Variants in PTPRH observed in about 807,000 individuals in gnomAD.
PTPRH encodes the protein receptor-type tyrosine-protein phosphatase H.
Under a neutral mutation model 130.2 loss-of-function variants are expected in PTPRH, and 113 were observed. The observed-to-expected ratio is 0.87, with a 90% CI of 0.75 to 1.01. PTPRH has a LOEUF of 1.01. Among genes scored for constraint, PTPRH ranks in the 50% least tolerant of loss-of-function variants. The probability of loss-of-function intolerance (pLI) is 0.00; values close to 1 mark genes in which losing one functional copy is unlikely to be tolerated. For missense variants in PTPRH, 1,430 were observed against 1,425.0 expected (o/e 1.00, Z -0.06); for synonymous variants, 556 against 577.9 (o/e 0.96, Z 0.54).
rs780200843 is a variant in PTPRH at position 55,205,422 on chromosome 19, C to T, written c.523G>A (p.Val175Met). The T allele has an allele frequency of 4.0e-5, 65 of 1,614,042 alleles. No individual in the cohort carries two copies. Among genetic ancestry groups the T allele is most frequent in the African/African-American group, 6.7e-5 (5 of 74,910 alleles). The part of the protein sequence containing the change: ...TRSTAHTNIT[V>M]DGLEPGCLYA... The stretch of plus-strand genomic sequence containing the variant: ...AAACACCCGGGTTCAAGTCCATCCA[C>T]GGTGATGTTAGTGTGTGCTGTGCTT... The change falls in exon 4 of 20, where the codon GTG (valine) becomes ATG (methionine). Residue 175 changes from valine (V) to methionine (M), a missense_variant. Val to Met is a conservative substitution (Grantham distance 21). Coordinates refer to ENST00000376350, the MANE Select transcript of PTPRH (RefSeq NM_002842.5).
chr19:55,183,659 G>T (rs1188759719), intron 18 of PTPRH, among the ~76,000 whole-genome samples: 1 of 152,086 alleles, frequency 6.6e-6, no homozygotes, highest in Non-Finnish European at 1.5e-5. Context: ...GGGAGGTGGA[G>T]GTTGCAGTGA....
chr19:55,200,921 C>A (rs1367568609), intron 6 of PTPRH, among the ~76,000 whole-genome samples: 2 of 148,566 alleles, frequency 1.3e-5, no homozygotes, highest in African/African-American at 2.5e-5. Flanking sequence ...CCAGCCTGGG[C>A]GACACAGCGA....
intron 12 of PTPRH, chr19:55,189,598 G>A: frequency 2.3e-6 from 1 of 438,062 alleles, no homozygotes; most frequent in Non-Finnish European, 4.6e-6. Context: ...CCAGATGCAT[G>A]CTCGGCTCCT....
Position 55,197,288 on chromosome 19 carries a change from G to C in PTPRH, c.1819C>G (p.His607Asp). 6.2e-7 allele frequency: 1 copy of C among 1,614,270 alleles called. No homozygotes were observed. The highest frequency in any genetic ancestry group is 8.5e-7 in the Non-Finnish European group (1 of 1,180,054). ...VYWVQWASKG[H>D]PRRGQDPQAN... ...TGGGGATCTTGCCCCCTCCGGGGAT[G>C]TCCCTTGCTGGCCCACTGGACCCAG... Residue 607 changes from histidine to aspartate, a missense_variant, in exon 9 of 20, where the codon CAT becomes GAT. His to Asp is a moderately conservative substitution (Grantham distance 81, BLOSUM62 -1). Transcript: ENST00000376350.
intron 12 of PTPRH, among the ~76,000 whole-genome samples, chr19:55,190,575 T>C (rs1460198732): frequency 7.3e-6 from 1 of 137,020 alleles, no homozygotes; most frequent in Non-Finnish European, 1.5e-5. Flanking sequence ...TAACATATAA[T>C]ATATTATATA....
intron 18 of PTPRH, among the ~76,000 whole-genome samples, chr19:55,184,050 C>G (rs778803641): frequency 6.6e-6 from 1 of 151,662 alleles, no homozygotes; most frequent in Non-Finnish European, 1.5e-5. Flanking sequence ...TTTGGGAGGC[C>G]GAGGTGGTCG....
intron 10 of PTPRH, chr19:55,194,436 A>G: frequency 1.1e-6 from 1 of 950,780 alleles, no homozygotes; most frequent in Non-Finnish European, 1.4e-6. Flanking sequence ...TTACTAAGGG[A>G]GAGAACTTTC....
At chr19:55,185,750 C>T (rs1397159018) in intron 17 of PTPRH, 88 bp from the exon 18 acceptor site, 2 of 1,597,228 alleles carry the variant, frequency 1.3e-6, no homozygotes, top group Non-Finnish European at 1.7e-6. Context: ...CTGGGGCACA[C>T]TGCAGCTCCT....
At chr19:55,207,547 C>T (rs2087109126) in intron 1 of PTPRH, among the ~76,000 whole-genome samples, 1 of 151,990 alleles carries the variant, frequency 6.6e-6, no homozygotes, top group Admixed American at 6.6e-5. Flanking sequence ...GGTTGGGGAT[C>T]AGGAACCTTG....
intron 16 of PTPRH, 108 bp downstream of exon 16, chr19:55,186,117 G>A: frequency 6.4e-7 from 1 of 1,572,100 alleles, no homozygotes; most frequent in Admixed American, 1.8e-5. Flanking sequence ...GAAGACGCCT[G>A]GGGTTACCCT....
rs1326825373 is a variant in PTPRH at position 55,185,727 on chromosome 19, A to G, written c.2902-65T>C. 5 of 1,597,740 alleles carry G rather than the reference A, an allele frequency of 3.1e-6. No homozygotes were observed. In the East Asian group the frequency reaches 1.1e-4, roughly 36 times the overall value. On this transcript the variant is annotated intron_variant, in intron 17 of 19. Transcript: ENST00000376350. ...TAGGGAGGACCTGGCTTCTAGCACCAGGAGCGGGTTCCCTGGGGCACACTG... is the reference window on the plus strand; with the variant it reads ...TAGGGAGGACCTGGCTTCTAGCACCGGGAGCGGGTTCCCTGGGGCACACTG...
chr19:55,206,493 AT>A (rs58733303), intron 3 of PTPRH, among the ~76,000 whole-genome samples, 195 bp downstream of exon 3: 1 of 150,888 alleles, frequency 6.6e-6, no homozygotes, highest in African/African-American at 2.4e-5. Context: ...CTACTTTTTA[AT>A]TTTTTTGTAG....
chr19:55,198,149 C>T (rs67107810), intron 8 of PTPRH, among the ~76,000 whole-genome samples: 17,069 of 152,042 alleles, frequency 0.11, 1,005 homozygotes, highest in African/African-American at 0.13. Context: ...CCCAGGAGGT[C>T]GAGGCTGCAG....
chr19:55,209,094 A>C lies in PTPRH; in HGVS notation c.51+289T>G, dbSNP rs927277206. Among the ~76,000 whole-genome samples, 2 of 151,932 alleles carry C rather than the reference A, an allele frequency of 1.3e-5. No homozygotes were observed. The highest frequency in any genetic ancestry group is 2.9e-5 in the Non-Finnish European group (2 of 67,948). ...GCCTGAAGCCAGTGTCCCCCGCAGC[A>C]GACACGACAGTGTCTAAGGGCCCGG... is the stretch of plus-strand genomic sequence containing the variant. On this transcript the variant is annotated intron_variant, in intron 1 of 19. Transcript: ENST00000376350. This position sits in a 1 kb window ranked among gnomAD's most constrained non-coding sequence, Gnocchi z 4.1.
intron 7 of PTPRH, among the ~76,000 whole-genome samples, chr19:55,199,347 G>A (rs550647363): frequency 1.2e-4 from 18 of 151,896 alleles, no homozygotes; most frequent in Non-Finnish European, 2.2e-4. Flanking sequence ...AGTGGCTCAC[G>A]CCTGTAATCC....
rs1195830104 is a variant in PTPRH, at chr19:55,191,721, C to G, written c.2278G>C (p.Val760Leu). The G allele has an allele frequency of 1.2e-6, 2 of 1,613,946 alleles. No individual in the cohort carries two copies. The highest frequency in any genetic ancestry group is 4.5e-5 in the East Asian group (2 of 44,894). Residue 760 changes from valine (V) to leucine (L), a missense_variant, in exon 11 of 20, where the codon GTG becomes CTG. By Grantham distance (32) the Val-to-Leu change is conservative. Transcript: ENST00000376350. ...AGGATGAGAAACAGGAGGATGCCCA[C>G]AAAGGCTCCGGCAATGACCCCTGTG... ...ESAGVIAGAF[V>L]GILLFLILVG...
At position 55,181,753 on chromosome 19, in the gene PTPRH, C is replaced by T. The variant is rs753868841; in HGVS notation, c.*1G>A. Reference sequence around the variant, plus strand: ...GGCTGCCGACCCAGCCCCCTCGTCACTTAGACCTCCAACTTGTGGGCCTGG... The same window carrying T: ...GGCTGCCGACCCAGCCCCCTCGTCATTTAGACCTCCAACTTGTGGGCCTGG... On this transcript the variant is annotated 3_prime_UTR_variant, in exon 20 of 20. Coordinates refer to ENST00000376350, the MANE Select transcript of PTPRH (RefSeq NM_002842.5). The T allele has an allele frequency of 1.9e-6, 3 of 1,614,138 alleles. No individual in the cohort carries two copies. The highest frequency in any genetic ancestry group is 1.1e-5 in the South Asian group (1 of 91,076).
intron 10 of PTPRH, among the ~76,000 whole-genome samples, chr19:55,196,292 G>T (rs1046156036): frequency 2.0e-5 from 3 of 152,162 alleles, no homozygotes; most frequent in Admixed American, 1.3e-4. Context: ...GGAGGCTGAG[G>T]CAGGAGAATC....
intron 12 of PTPRH, among the ~76,000 whole-genome samples, chr19:55,189,508 C>T (rs375187624): frequency 8.5e-5 from 13 of 152,300 alleles, no homozygotes; most frequent in East Asian, 5.8e-4. Context: ...CAGTCGGAGA[C>T]GCACGATGTT....
Sources: allele counts gnomAD v4.1 joint callset (sites outside exome capture counted in the v4.1 genomes callset), GRCh38; gene constraint gnomAD v4.1.1; non-coding constraint Gnocchi (gnomAD v3.1); transcripts MANE v1.5; gene names NCBI Gene and HGNC (gene_info 2026-07-23, HGNC 2026-07-21).